The following PARD3 variants were observed in gnomAD, a reference collection of about 807,000 sequenced individuals.
PARD3 encodes the protein partitioning defective 3 homolog.
A neutral mutation model predicts 155.4 loss-of-function variants in PARD3; 75 were observed. The ratio of observed to expected loss-of-function variants is 0.48; its 90% CI spans 0.40 to 0.58. PARD3 has a LOEUF of 0.58. Among genes scored for constraint, PARD3 ranks in the 20% least tolerant of loss-of-function variants. The probability of loss-of-function intolerance (pLI) is 0.00; values close to 1 mark genes in which losing one functional copy is unlikely to be tolerated. For synonymous variants in PARD3, 576 were observed against 610.5 expected (o/e 0.94, Z 0.83); for missense variants, 1,642 against 1,721.7 (o/e 0.95, Z 0.82).
At chr10:34,689,855 C>A (rs1422150679) in intron 2 of PARD3, among the ~76,000 whole-genome samples, 2 of 152,162 alleles carry the variant, frequency 1.3e-5, no homozygotes, top group East Asian at 1.9e-4. Context: ...GAGTGCATGA[C>A]TTTCAGTTGC....
intron 22 of PARD3, among the ~76,000 whole-genome samples, chr10:34,237,684 AT>A (rs1424765857): frequency 6.6e-6 from 1 of 152,224 alleles, no homozygotes; most frequent in African/African-American, 2.4e-5. Context: ...ACTCAGGGAC[AT>A]TTGATTAGGA....
chr10:34,699,554 G>C (rs2094235779), intron 1 of PARD3, among the ~76,000 whole-genome samples: 1 of 152,144 alleles, frequency 6.6e-6, no homozygotes, highest in Non-Finnish European at 1.5e-5. Flanking sequence ...GTGAGAAAAA[G>C]TTAGCGCATA....
At chr10:34,463,218 A>G (rs2077780378) in intron 4 of PARD3, among the ~76,000 whole-genome samples, 1 of 127,916 alleles carries the variant, frequency 7.8e-6, no homozygotes, top group Non-Finnish European at 1.7e-5. Context: ...AAGGGAAAGA[A>G]AAGGGGAAGG....
chr10:34,131,220 CTA>C (rs1947592646), intron 23 of PARD3, among the ~76,000 whole-genome samples: 1 of 152,136 alleles, frequency 6.6e-6, no homozygotes, highest in Non-Finnish European at 1.5e-5. Context: ...AATACTTTTG[CTA>C]TGTCTTGTCA....
At chr10:34,556,766 G>A (rs2085035287) in intron 2 of PARD3, among the ~76,000 whole-genome samples, 1 of 152,022 alleles carries the variant, frequency 6.6e-6, no homozygotes, top group Admixed American at 6.5e-5. Flanking sequence ...AACTTCAAGA[G>A]TTACCTAACC....
chr10:34,556,664 G>C (rs2085026193), intron 2 of PARD3, among the ~76,000 whole-genome samples: 1 of 152,168 alleles, frequency 6.6e-6, no homozygotes, highest in South Asian at 2.1e-4. Flanking sequence ...CTACAAGCGT[G>C]AGTCACCATG....
At chr10:34,468,198 G>C (rs780992475) in intron 4 of PARD3, among the ~76,000 whole-genome samples, 11 of 152,228 alleles carry the variant, frequency 7.2e-5, no homozygotes, top group Non-Finnish European at 1.6e-4. Flanking sequence ...TTACTGCATA[G>C]TTTTAAAGGT....
chr10:34,499,594 T>A (rs1457400882), intron 3 of PARD3, among the ~76,000 whole-genome samples: 1 of 152,112 alleles, frequency 6.6e-6, no homozygotes, highest in Non-Finnish European at 1.5e-5. Flanking sequence ...AGATATGAAG[T>A]ACACATTTAA....
chr10:34,784,863 C>T (rs755946033), intron 1 of PARD3, among the ~76,000 whole-genome samples: 4 of 152,182 alleles, frequency 2.6e-5, no homozygotes, highest in South Asian at 2.1e-4. Context: ...TGTTCATCAG[C>T]GCAAAACCTC....
intron 15 of PARD3, among the ~76,000 whole-genome samples, chr10:34,347,196 A>T (rs1230195766): frequency 6.6e-6 from 1 of 152,260 alleles, no homozygotes; most frequent in Non-Finnish European, 1.5e-5. Context: ...GTGTTATTTT[A>T]ATCAAAATGG....
At chr10:34,509,993 A>C (rs1034519120) in intron 3 of PARD3, among the ~76,000 whole-genome samples, 6 of 152,220 alleles carry the variant, frequency 3.9e-5, no homozygotes, top group Non-Finnish European at 8.8e-5. Context: ...AGGATATCAT[A>C]AGCCAGTTTT....
At chr10:34,498,292 G>A (rs1282617006) in intron 3 of PARD3, among the ~76,000 whole-genome samples, 1 of 152,178 alleles carries the variant, frequency 6.6e-6, no homozygotes, top group Non-Finnish European at 1.5e-5. Context: ...ATGCATAAGT[G>A]TGGTATGTAG....
At chr10:34,257,512 T>C (rs1273466989) in intron 22 of PARD3, among the ~76,000 whole-genome samples, 1 of 152,170 alleles carries the variant, frequency 6.6e-6, no homozygotes, top group Non-Finnish European at 1.5e-5. Flanking sequence ...CCCAGGCAGC[T>C]CCAGGAGATT....
chr10:34,461,748 C>T (rs1434887986), intron 4 of PARD3, among the ~76,000 whole-genome samples: 1 of 152,166 alleles, frequency 6.6e-6, no homozygotes, highest in Admixed American at 6.5e-5. Flanking sequence ...TAAGTCAAGA[C>T]AATCAGGTAT....
At chr10:34,812,424 T>C (rs1844302004) in intron 1 of PARD3, among the ~76,000 whole-genome samples, 1 of 152,154 alleles carries the variant, frequency 6.6e-6, no homozygotes. Flanking sequence ...CTTGTTCTAT[T>C]AGGCAATACG....
intron 22 of PARD3, among the ~76,000 whole-genome samples, chr10:34,212,183 A>G (rs953995096): frequency 2.6e-5 from 4 of 152,116 alleles, no homozygotes; most frequent in Admixed American, 2.6e-4. Context: ...TGCTGGGGAA[A>G]TCAACACTTA....
intron 5 of PARD3, among the ~76,000 whole-genome samples, chr10:34,414,371 C>T (rs918841948): frequency 2.0e-5 from 3 of 152,114 alleles, no homozygotes; most frequent in Non-Finnish European, 4.4e-5. Flanking sequence ...CTTAAAAACC[C>T]ATGACATTGC....
chr10:34,615,942 CAG>C (rs1375850767), intron 2 of PARD3, among the ~76,000 whole-genome samples: 1 of 152,166 alleles, frequency 6.6e-6, no homozygotes, highest in African/African-American at 2.4e-5. Context: ...CAAAAAATAA[CAG>C]ATGCTGGTGA....
chr10:34,705,388 T>A (rs932184678), intron 1 of PARD3, among the ~76,000 whole-genome samples: 3 of 151,036 alleles, frequency 2.0e-5, no homozygotes, highest in Non-Finnish European at 2.9e-5. Context: ...CTGGGGAGGC[T>A]AAAGCAGGAG....
Sources: allele counts gnomAD v4.1 joint callset (sites outside exome capture counted in the v4.1 genomes callset), GRCh38; gene constraint gnomAD v4.1.1; transcripts MANE v1.5; gene names NCBI Gene and HGNC (gene_info 2026-07-23, HGNC 2026-07-21).